The following TDRD10 variants were observed in gnomAD, a reference collection of about 807,000 sequenced individuals.
The protein encoded by TDRD10 is tudor domain-containing protein 10.
TDRD10 carries 40 observed loss-of-function variants against 48.0 expected under a neutral mutation model. That is an observed-to-expected ratio of 0.83 (90% CI 0.65 to 1.09). The LOEUF is 1.09. Ranked by LOEUF, TDRD10 falls within the 50% of genes least tolerant of loss-of-function variation. The pLI, the probability that TDRD10 is intolerant of heterozygous loss-of-function variation, is 0.00. For synonymous variants in TDRD10, 162 were observed against 170.4 expected (o/e 0.95, Z 0.38); for missense variants, 378 against 434.7 (o/e 0.87, Z 1.16).
In TDRD10 at chr1:154,547,675, C is replaced by A. The variant is rs1695684359; in HGVS notation, c.1024-3C>A. 1 of 1,614,174 alleles carries A rather than the reference C, an allele frequency of 6.2e-7. No homozygotes were observed. The highest frequency in any genetic ancestry group is 8.5e-7 in the Non-Finnish European group (1 of 1,180,002). ...CCACCAAGGCTTTGTCTTTCTCTTC[C>A]AGTTGCACATCCTAAAGTTTGAAGA... On this transcript the variant is annotated splice_region_variant and splice_polypyrimidine_tract_variant and intron_variant, in intron 12 of 12. Coordinates refer to ENST00000368482, the MANE Select transcript of TDRD10 (RefSeq NM_182499.4).
At chr1:154,546,332 A>G (rs991018896) in intron 11 of TDRD10, among the ~76,000 whole-genome samples, 1 of 150,166 alleles carries the variant, frequency 6.7e-6, no homozygotes, top group African/African-American at 2.4e-5. Flanking sequence ...TCGGCCTCCC[A>G]AAGTGTTGGG....
chr1:154,542,785 T>G lies in TDRD10; in HGVS notation c.467T>G (p.Leu156Arg), dbSNP rs770145542. The stretch of plus-strand genomic sequence containing the variant: ...GTTGACCTGTGTGAGACAGAGAAAC[T>G]GAGGGCAGCCTTCTTTGCAGTCCCG... ...APVDLCETEK[L>R]RAAFFAVPLE... Residue 156 changes from leucine (L) to arginine (R), a missense_variant, in exon 8 of 13, where the codon CTG becomes CGG. Coordinates refer to ENST00000368482, the MANE Select transcript of TDRD10 (RefSeq NM_182499.4). The G allele has an allele frequency of 1.9e-6, 3 of 1,613,954 alleles. No homozygotes were observed. The highest frequency in any genetic ancestry group is 2.5e-6 in the Non-Finnish European group (3 of 1,179,914).
At chr1:154,506,123 C>T (rs928613735) in intron 1 of TDRD10, among the ~76,000 whole-genome samples, 28 of 152,168 alleles carry the variant, frequency 1.8e-4, no homozygotes, top group African/African-American at 6.5e-4. Flanking sequence ...GGTTAAACAA[C>T]GCAAATATTA....
intron 1 of TDRD10, among the ~76,000 whole-genome samples, chr1:154,504,490 T>TA (rs1693033791): frequency 6.6e-6 from 1 of 152,198 alleles, no homozygotes; most frequent in Non-Finnish European, 1.5e-5. Context: ...CTACCAGCAA[T>TA]ATGAGGGCCC....
rs559839407 is a variant in TDRD10 at position 154,542,063 on chromosome 1, G to A, written c.409G>A (p.Ala137Thr). Reference protein sequence around the residue: ...KASGEGFGKTAAIIQLAPKAP... With the variant: ...KASGEGFGKTTAIIQLAPKAP... ...TTCTGGTGAAGGATTTGGCAAAACC[G>A]CCGGTGAGATTCTGCGCTGCCATCC... is the stretch of plus-strand genomic sequence containing the variant. The change falls in exon 7 of 13, where the codon GCC becomes ACC. Residue 137 changes from alanine (A) to threonine (T), a missense_variant. Coordinates refer to ENST00000368482, the MANE Select transcript of TDRD10 (RefSeq NM_182499.4). The A allele has an allele frequency of 2.8e-5, 45 of 1,613,794 alleles. 1 individual carries two copies. In the Middle Eastern group the frequency reaches 8.3e-4, roughly 30 times the overall value.
Position 154,508,461 on chromosome 1 carries a change from C to A in TDRD10, c.121C>A (p.Leu41Ile). Reference sequence around the variant, plus strand: ...AGAGACAGAGGTGTATGTTGGCAATCTTCCACTGGATATTTCTAAGGTATT... The same window carrying A: ...AGAGACAGAGGTGTATGTTGGCAATATTCCACTGGATATTTCTAAGGTATT... ...KRETEVYVGN[L>I]PLDISKEEIL... The change falls in exon 4 of 13, where the codon CTT (leucine) becomes ATT (isoleucine). Residue 41 changes from leucine (L) to isoleucine (I), a missense_variant. By Grantham distance (5) the Leu-to-Ile change is conservative. This residue lies in a region of TDRD10 where 310 missense variants were observed against 323.6 expected (regional missense o/e 0.96). Coordinates refer to ENST00000368482, the MANE Select transcript of TDRD10 (RefSeq NM_182499.4). 6.2e-7 allele frequency: 1 copy of A among 1,609,508 alleles called. No individual in the cohort carries two copies. The highest frequency in any genetic ancestry group is 8.5e-7 in the Non-Finnish European group (1 of 1,175,796).
intron 4 of TDRD10, among the ~76,000 whole-genome samples, chr1:154,512,052 A>G (rs924605461): frequency 1.3e-5 from 2 of 151,992 alleles, no homozygotes; most frequent in Non-Finnish European, 2.9e-5. Context: ...GTACAATTCA[A>G]TTATTAATAT....
At chr1:154,542,943 G>T in intron 8 of TDRD10, 122 bp downstream of exon 8, 1 of 718,008 alleles carries the variant, frequency 1.4e-6, no homozygotes, top group South Asian at 1.8e-5. Flanking sequence ...TCCTGTGTCA[G>T]ACCCAGGCTG....
In TDRD10 at chr1:154,508,409, G is replaced by T; in HGVS notation, c.83-14G>T. The T allele has an allele frequency of 6.3e-7, 1 of 1,590,706 alleles. No homozygotes were observed. On this transcript the variant is annotated splice_polypyrimidine_tract_variant and intron_variant, in intron 3 of 12. Transcript: ENST00000368482. ...GTATGTATGCCTGCCATTTAATGCT[G>T]TTTTTCTTCTTAGGATTCAAGAAAA...
chr1:154,535,652 C>T (rs1205910513), intron 6 of TDRD10, among the ~76,000 whole-genome samples: 3 of 152,144 alleles, frequency 2.0e-5, no homozygotes, highest in Admixed American at 6.5e-5. Flanking sequence ...GCACTCCAGC[C>T]TGGGTAACAA....
intron 6 of TDRD10, among the ~76,000 whole-genome samples, chr1:154,531,968 T>G (rs1385797688): frequency 6.6e-6 from 1 of 152,194 alleles, no homozygotes; most frequent in Non-Finnish European, 1.5e-5. Context: ...TTACAATCCC[T>G]TAGCTAGTCA....
At chr1:154,519,828 G>A (rs755267598) in intron 4 of TDRD10, among the ~76,000 whole-genome samples, 39 of 152,132 alleles carry the variant, frequency 2.6e-4, no homozygotes, top group Non-Finnish European at 4.7e-4. Flanking sequence ...TGAGGAAGAC[G>A]GCCTGAGGGC....
chr1:154,544,960 T>A lies in TDRD10; in HGVS notation c.952+11T>A. 6.2e-7 allele frequency: 1 copy of A among 1,613,312 alleles called. No individual in the cohort carries two copies. The highest frequency in any genetic ancestry group is 1.3e-5 in the African/African-American group (1 of 75,040). ...TCATGCTGGAGAAAGGTGAGACATC[T>A]TCTATCTTCCTCCCAAGGGTTTCAG... On this transcript the variant is annotated intron_variant, in intron 11 of 12. Transcript: ENST00000368482.
chr1:154,542,831 G>A lies in TDRD10; in HGVS notation c.503+10G>A, dbSNP rs74492084. On this transcript the variant is annotated intron_variant, in intron 8 of 12. Transcript: ENST00000368482. ...TCCCGTTGGAAATGAGGTGAGCAAG[G>A]TATAGAAAGACCACCAGGGCAAATG... 5.0e-6 allele frequency: 8 copies of A among 1,611,136 alleles called. No individual in the cohort carries two copies. Among genetic ancestry groups the A allele is most frequent in the Admixed American group, 3.3e-5 (2 of 59,926 alleles).
At position 154,502,775 on chromosome 1, in the gene TDRD10, G is replaced by A. The variant is rs1294736632; in HGVS notation, c.-282G>A. On this transcript the variant is annotated 5_prime_UTR_variant, in exon 1 of 13. Transcript: ENST00000368482. ...ACTCTTTCTGCAGACGTTATTTTTG[G>A]CGGTAGGGCAGAGGTTGCGGCCCGA... 2.0e-5 allele frequency: 3 copies of A among 152,228 alleles called. No individual in the cohort carries two copies. Among genetic ancestry groups the A allele is most frequent in the Non-Finnish European group, 4.4e-5 (3 of 68,096 alleles). The allele number at this position is 152,228 out of a possible 1,614,324, so 9.4% of individuals were successfully genotyped here.
intron 6 of TDRD10, among the ~76,000 whole-genome samples, chr1:154,533,747 G>T (rs1203028964): frequency 1.3e-5 from 2 of 151,872 alleles, no homozygotes; most frequent in Non-Finnish European, 2.9e-5. Context: ...AAGCAGTCCT[G>T]CCTCAGCCTC....
intron 4 of TDRD10, among the ~76,000 whole-genome samples, chr1:154,517,222 G>A (rs537655430): frequency 1.3e-5 from 2 of 152,316 alleles, no homozygotes; most frequent in East Asian, 1.9e-4. Flanking sequence ...TGCTGGGCAG[G>A]TGGTTGTTGA....
chr1:154,509,567 T>C (rs1348908709), intron 4 of TDRD10, among the ~76,000 whole-genome samples: 2 of 152,208 alleles, frequency 1.3e-5, no homozygotes, highest in African/African-American at 2.4e-5. Flanking sequence ...CCAAGTCCCA[T>C]GTTCTTTGCT....
At chr1:154,517,381 A>G (rs758240962) in intron 4 of TDRD10, among the ~76,000 whole-genome samples, 1 of 149,906 alleles carries the variant, frequency 6.7e-6, no homozygotes, top group Non-Finnish European at 1.5e-5. Flanking sequence ...AGACATTCCA[A>G]TTCTTAGGTT....
Sources: allele counts gnomAD v4.1 joint callset (sites outside exome capture counted in the v4.1 genomes callset), GRCh38; gene constraint gnomAD v4.1.1; regional missense constraint gnomAD v4.1.1; transcripts MANE v1.5; gene names NCBI Gene and HGNC (gene_info 2026-07-23, HGNC 2026-07-21).